Variants in GNA11 observed in about 807,000 individuals in gnomAD.
The protein encoded by GNA11 is G protein subunit alpha 11.
In GNA11, 8 loss-of-function variants were observed where a neutral mutation model predicts 38.2. That is an observed-to-expected ratio of 0.21 (90% CI 0.12 to 0.38). The LOEUF is 0.38. Among genes scored for constraint, GNA11 ranks in the 10% least tolerant of loss-of-function variants. The pLI is 1.00. For missense variants in GNA11, 268 were observed against 516.3 expected (o/e 0.52, Z 4.66); for synonymous variants, 211 against 221.4 (o/e 0.95, Z 0.42).
rs1411330515 is a variant in GNA11 at position 3,120,565 on chromosome 19, G to A, written c.890-424G>A. Among the ~76,000 whole-genome samples the A allele has an allele frequency of 1.3e-5, 2 of 152,108 alleles. No individual in the cohort carries two copies. Among genetic ancestry groups the A allele is most frequent in the African/African-American group, 2.4e-5 (1 of 41,416 alleles). ...GAGGCCTGGCTGCAGCAGGGGCACC[G>A]TGGGTGGGTGGGGGCCACTGTTCCT... On this transcript the variant is annotated intron_variant, in intron 6 of 6. Transcript: ENST00000078429. The surrounding 1 kb of genome is among the most constrained non-coding windows in gnomAD (Gnocchi z 5.9).
chr19:3,116,971 C>T lies in GNA11; in HGVS notation c.605+1899C>T, dbSNP rs1046718920. Among the ~76,000 whole-genome samples the T allele has an allele frequency of 5.9e-5, 9 of 152,232 alleles. No individual in the cohort carries two copies. In the South Asian group the frequency reaches 6.2e-4, roughly 11 times the overall value. On this transcript the variant is annotated intron_variant, in intron 4 of 6. Transcript: ENST00000078429. ...CCGTCCTCCCAGCTCGGCCTCCCAG[C>T]GCAGGCAGGGAGGATGCGGCGTGAA... is the stretch of plus-strand genomic sequence containing the variant.
rs750194467 is a variant in GNA11 at position 3,110,369 on chromosome 19, G to A, written c.321+36G>A. 1.8e-5 allele frequency: 28 copies of A among 1,547,352 alleles called. No individual in the cohort carries two copies. In the Admixed American group the frequency reaches 4.7e-4, roughly 26 times the overall value. The stretch of plus-strand genomic sequence containing the variant: ...GGGCGCCTGGGGAGGGGAGCGCCTG[G>A]GCAGCTGTGGGCTTGGTGGTGAGCA... On this transcript the variant is annotated intron_variant, in intron 2 of 6. Coordinates refer to ENST00000078429, the MANE Select transcript of GNA11 (RefSeq NM_002067.5). The surrounding 1 kb of genome is among the most constrained non-coding windows in gnomAD (Gnocchi z 5.4).
At chr19:3,103,139 C>T (rs772035468) in intron 1 of GNA11, among the ~76,000 whole-genome samples, 23 of 152,212 alleles carry the variant, frequency 1.5e-4, no homozygotes, top group Non-Finnish European at 2.8e-4. Flanking sequence ...CAGGTGTCGG[C>T]TCCCAGGTCT....
chr19:3,095,563 C>G (rs757906966), intron 1 of GNA11, among the ~76,000 whole-genome samples: 1 of 151,938 alleles, frequency 6.6e-6, no homozygotes, highest in African/African-American at 2.4e-5. Context: ...GTCCCCTATC[C>G]CCACATTCCC....
Position 3,110,086 on chromosome 19 carries a change from G to A in GNA11, c.137-63G>A. The stretch of plus-strand genomic sequence containing the variant: ...GCAGCACGGCAGGGTCTGGGTAAGA[G>A]GGGGCAGCAGCACGAGAGTCAGGCC... On this transcript the variant is annotated intron_variant, in intron 1 of 6. Transcript: ENST00000078429. The surrounding 1 kb of genome is among the most constrained non-coding windows in gnomAD (Gnocchi z 5.4). 7.4e-7 allele frequency: 1 copy of A among 1,360,028 alleles called. No individual in the cohort carries two copies. Among genetic ancestry groups the A allele is most frequent in the Non-Finnish European group, 1.0e-6 (1 of 984,500 alleles). 84.2% of individuals were successfully genotyped at this position (1,360,028 alleles called of 1,614,324 possible).
chr19:3,119,499 A>G lies in GNA11; in HGVS notation c.889+140A>G. ...TGGGAGGTGTCATGTATGGGAGTGGAGTCTCAGGGAAGGGAGATCTCGTAT... is the reference window on the plus strand; with the variant it reads ...TGGGAGGTGTCATGTATGGGAGTGGGGTCTCAGGGAAGGGAGATCTCGTAT... On this transcript the variant is annotated intron_variant, in intron 6 of 6. Transcript: ENST00000078429. The surrounding 1 kb of genome is among the most constrained non-coding windows in gnomAD (Gnocchi z 4.6). 1 of 649,068 alleles carries G rather than the reference A, an allele frequency of 1.5e-6. No homozygotes were observed. Among genetic ancestry groups the G allele is most frequent in the Non-Finnish European group, 2.5e-6 (1 of 397,648 alleles). 40.2% of individuals were successfully genotyped at this position (649,068 alleles called of 1,614,324 possible). A position where few individuals can be genotyped will look rare whatever the true frequency, so the allele number is the denominator to read the frequency against.
Position 3,094,801 on chromosome 19 carries a change from C to T in GNA11, c.136+14C>T, listed in dbSNP as rs754951184. 1.3e-6 allele frequency: 2 copies of T among 1,548,474 alleles called. No homozygotes were observed. Among genetic ancestry groups the T allele is most frequent in the Non-Finnish European group, 1.7e-6 (2 of 1,149,746 alleles). On this transcript the variant is annotated intron_variant, in intron 1 of 6. Transcript: ENST00000078429. This position sits in a 1 kb window ranked among gnomAD's most constrained non-coding sequence, Gnocchi z 6.0. ...TGCTGCTGCTCGGTGAGTGCGGCCC[C>T]CGGGCCTGCCGGCTGCGGGCCCTGC...
At position 3,094,640 on chromosome 19, in the gene GNA11, G is replaced by C. The variant is rs1461314450; in HGVS notation, c.-12G>C. 2.3e-6 allele frequency: 3 copies of C among 1,290,504 alleles called. No individual in the cohort carries two copies. The East Asian group carries it at 9.3e-5, about 40-fold the overall frequency. 79.9% of individuals were successfully genotyped at this position (1,290,504 alleles called of 1,614,324 possible). On this transcript the variant is annotated 5_prime_UTR_variant, in exon 1 of 7. Transcript: ENST00000078429. The surrounding 1 kb of genome is among the most constrained non-coding windows in gnomAD (Gnocchi z 6.0). The stretch of plus-strand genomic sequence containing the variant: ...CGGCGGGCAGGCGGCCGCGTCGGCC[G>C]GGGCCGGGACGATGACTCTGGAGTC...
At chr19:3,115,142 G>A (rs2145321446) in intron 4 of GNA11, 70 bp downstream of exon 4, 1 of 1,547,722 alleles carries the variant, frequency 6.5e-7, no homozygotes, top group South Asian at 1.2e-5. Flanking sequence ...GCCGGCTCAT[G>A]CCTGCGCACC....
At chr19:3,107,906 G>T (rs1033156450) in intron 1 of GNA11, among the ~76,000 whole-genome samples, 14 of 152,194 alleles carry the variant, frequency 9.2e-5, no homozygotes, top group Non-Finnish European at 1.8e-4. Context: ...CCTCTGGGGA[G>T]AAGGTGTTTT....
At chr19:3,103,167 T>A (rs1015774367) in intron 1 of GNA11, among the ~76,000 whole-genome samples, 10 of 152,104 alleles carry the variant, frequency 6.6e-5, no homozygotes, top group Non-Finnish European at 1.2e-4. Context: ...GCCACTGGGG[T>A]CATGGGTTAC....
intron 1 of GNA11, among the ~76,000 whole-genome samples, chr19:3,104,758 G>A (rs937758782): frequency 6.6e-6 from 1 of 152,162 alleles, no homozygotes; most frequent in African/African-American, 2.4e-5. Context: ...GGCGAGGCAG[G>A]CTGCAGACGG....
Position 3,123,522 on chromosome 19 carries a change from C to A in GNA11, c.*2343C>A, listed in dbSNP as rs941478730. On this transcript the variant is annotated 3_prime_UTR_variant, in exon 7 of 7. Transcript: ENST00000078429. ...TGGGCATGTGGGGTGTGTGTTTTTA[C>A]CTTGGTGAATCTCACCTGCCAACGA... 4 of 233,164 alleles carry A rather than the reference C, an allele frequency of 1.7e-5. No individual in the cohort carries two copies. Among genetic ancestry groups the A allele is most frequent in the African/African-American group, 6.6e-5 (3 of 45,360 alleles). The allele number at this position is 233,164 out of a possible 1,614,324, so 14.4% of individuals were successfully genotyped here.
chr19:3,099,664 GTC>G (rs1050153068), intron 1 of GNA11, among the ~76,000 whole-genome samples: 1 of 152,166 alleles, frequency 6.6e-6, no homozygotes. Flanking sequence ...CCATCAAGAT[GTC>G]TGTGGTCCAG....
intron 1 of GNA11, among the ~76,000 whole-genome samples, chr19:3,100,721 C>T (rs1303295519): frequency 6.6e-6 from 1 of 152,120 alleles, no homozygotes; most frequent in African/African-American, 2.4e-5. Flanking sequence ...CTGGCCAGCA[C>T]GGGGCAGTGG....
chr19:3,102,755 A>G (rs760070192), intron 1 of GNA11, among the ~76,000 whole-genome samples: 27 of 152,172 alleles, frequency 1.8e-4, no homozygotes, highest in Non-Finnish European at 3.1e-4. Context: ...CCTCCGCTGC[A>G]GGAGGGCTGC....
rs1289674831 is a variant in GNA11, at chr19:3,121,295, G to A, written c.*116G>A. ...TCCGGGCCGGGGCCTCTGCCCGCGGGAGGAGATTTTTTTTTTTCATATTTT... is the reference window on the plus strand; with the variant it reads ...TCCGGGCCGGGGCCTCTGCCCGCGGAAGGAGATTTTTTTTTTTCATATTTT... On this transcript the variant is annotated 3_prime_UTR_variant, in exon 7 of 7. Coordinates refer to ENST00000078429, the MANE Select transcript of GNA11 (RefSeq NM_002067.5). The A allele has an allele frequency of 1.5e-6, 1 of 677,772 alleles. No individual in the cohort carries two copies. Among genetic ancestry groups the A allele is most frequent in the Non-Finnish European group, 2.5e-6 (1 of 399,222 alleles). The allele number at this position is 677,772 out of a possible 1,614,324, so 42.0% of individuals were successfully genotyped here.
At chr19:3,118,077 C>A (rs550302834) in intron 4 of GNA11, 3 of 152,354 alleles carry the variant, frequency 2.0e-5, no homozygotes, top group African/African-American at 4.8e-5. Flanking sequence ...TGCTGGACTC[C>A]CCCGCAGACC....
intron 4 of GNA11, 167 bp from the exon 5 acceptor site, chr19:3,118,757 G>A (rs766634311): frequency 2.8e-5 from 18 of 636,626 alleles, no homozygotes; most frequent in African/African-American, 1.1e-4. Context: ...GAGGCGGTGC[G>A]GCCGCTCTCT....
Sources: gnomAD v4.1 joint callset for allele counts (sites outside exome capture counted in the v4.1 genomes callset) on GRCh38, gnomAD v4.1.1 for gene constraint, Gnocchi (gnomAD v3.1) non-coding constraint, MANE v1.5 for transcripts, NCBI Gene and HGNC (gene_info 2026-07-23, HGNC 2026-07-21) for gene names.